RBM27: variants seen among roughly 807,000 people sequenced by gnomAD.
RBM27 encodes RNA binding motif protein 27, also known as RNA-binding protein 27.
A neutral mutation model predicts 135.3 loss-of-function variants in RBM27; 22 were observed. That is an observed-to-expected ratio of 0.16 (90% CI 0.12 to 0.23). The LOEUF (loss-of-function observed/expected upper bound fraction) is 0.23, where lower values mean the gene tolerates loss of function less well. RBM27 is among the 10% of genes least tolerant of loss of function. The pLI is 1.00. For synonymous variants in RBM27, 481 were observed against 442.4 expected, an observed-to-expected ratio of 1.09 and a Z score of -1.10; for missense variants, 1,009 against 1,281.0, an observed-to-expected ratio of 0.79 and a Z score of 3.24.
chr5:146,233,543 C>A lies in RBM27; in HGVS notation c.944C>A (p.Pro315His). 1 of 1,613,404 alleles carries A rather than the reference C, an allele frequency of 6.2e-7. No homozygotes were observed. The highest frequency in any genetic ancestry group is 8.5e-7 in the Non-Finnish European group (1 of 1,179,818). The change falls in exon 7 of 21, where the codon CCT becomes CAT. Residue 315 changes from proline (P) to histidine (H), a missense_variant. Physicochemically the swap from Pro to His is moderately conservative, Grantham distance 77. Coordinates refer to ENST00000265271, the MANE Select transcript of RBM27 (RefSeq NM_018989.2). Reference protein sequence around the residue: ...VDEVALPSMIPFPPPPPGLPP... With the variant: ...VDEVALPSMIHFPPPPPGLPP... Reference sequence around the variant, plus strand: ...GAAGTTGCTCTGCCAAGTATGATTCCTTTCCCACCCCCTCCTCCTGGGCTT... The same window carrying A: ...GAAGTTGCTCTGCCAAGTATGATTCATTTCCCACCCCCTCCTCCTGGGCTT...
At chr5:146,251,689 C>A in intron 8 of RBM27, 22 bp from the exon 9 acceptor site, 1 of 1,575,966 alleles carries the variant, frequency 6.3e-7, no homozygotes, top group Non-Finnish European at 8.7e-7. Context: ...TCCCAGCTGC[C>A]CTCCTATTCT....
chr5:146,229,571 T>C (rs1344469755), intron 4 of RBM27, 146 bp from the exon 5 acceptor site: 5 of 631,960 alleles, frequency 7.9e-6, no homozygotes, highest in Non-Finnish European at 1.3e-5. Flanking sequence ...TATATTTGAT[T>C]AGAGGAATTA....
intron 6 of RBM27, among the ~76,000 whole-genome samples, chr5:146,232,933 G>A (rs900601162): frequency 6.6e-6 from 1 of 152,108 alleles, no homozygotes; most frequent in Non-Finnish European, 1.5e-5. Flanking sequence ...TGTTTGGGAT[G>A]TTTCTATTAT....
At chr5:146,248,646 A>G (rs1434856452) in intron 8 of RBM27, among the ~76,000 whole-genome samples, 3 of 152,164 alleles carry the variant, frequency 2.0e-5, no homozygotes, top group African/African-American at 7.2e-5. Flanking sequence ...TTGTAATTTT[A>G]GTAGAGACGG....
intron 19 of RBM27, among the ~76,000 whole-genome samples, chr5:146,283,608 A>G (rs761209370): frequency 9.9e-5 from 15 of 152,182 alleles, no homozygotes; most frequent in Non-Finnish European, 2.1e-4. Context: ...GGTATGTCCC[A>G]TGAGTCATAA....
intron 19 of RBM27, among the ~76,000 whole-genome samples, chr5:146,279,675 G>A (rs868356091): frequency 6.6e-6 from 1 of 151,570 alleles, no homozygotes; most frequent in African/African-American, 2.4e-5. Flanking sequence ...AGCTGTGGTG[G>A]CATCTGCCTG....
intron 10 of RBM27, 82 bp from the exon 11 acceptor site, chr5:146,258,367 G>C: frequency 9.0e-7 from 1 of 1,117,292 alleles, no homozygotes; most frequent in Non-Finnish European, 1.2e-6. Flanking sequence ...GCTATTCATA[G>C]TAGTTTTTAG....
intron 8 of RBM27, among the ~76,000 whole-genome samples, chr5:146,251,255 G>A (rs925216963): frequency 2.0e-5 from 3 of 152,100 alleles, no homozygotes; most frequent in African/African-American, 7.2e-5. Flanking sequence ...AGATACGGGA[G>A]CATATTTGGT....
At chr5:146,280,565 A>G (rs992057264) in intron 19 of RBM27, among the ~76,000 whole-genome samples, 17 of 152,186 alleles carry the variant, frequency 1.1e-4, no homozygotes, top group Middle Eastern at 3.2e-3. Flanking sequence ...TCTCCTTCTC[A>G]GAGCAGTAAC....
chr5:146,274,430 T>C (rs1759002810), intron 19 of RBM27, among the ~76,000 whole-genome samples: 1 of 152,112 alleles, frequency 6.6e-6, no homozygotes, highest in Admixed American at 6.5e-5. Context: ...CTAATTTTTC[T>C]GTATTTTTTA....
chr5:146,273,173 C>A (rs1356639247), intron 19 of RBM27, among the ~76,000 whole-genome samples: 3 of 152,180 alleles, frequency 2.0e-5, no homozygotes, highest in Non-Finnish European at 4.4e-5. Flanking sequence ...AAATTTGACT[C>A]ATTGCAGAAA....
At chr5:146,226,285 G>GT (rs1756675188) in intron 3 of RBM27, among the ~76,000 whole-genome samples, 1 of 151,884 alleles carries the variant, frequency 6.6e-6, no homozygotes, top group African/African-American at 2.4e-5. Context: ...TTTGTAACGT[G>GT]TTTTTTACAG....
chr5:146,264,397 G>T (rs539613383), intron 14 of RBM27, among the ~76,000 whole-genome samples: 1 of 151,914 alleles, frequency 6.6e-6, no homozygotes, highest in Non-Finnish European at 1.5e-5. Flanking sequence ...TGGTCAGGCT[G>T]GTCTGGAACT....
intron 9 of RBM27, among the ~76,000 whole-genome samples, chr5:146,253,952 G>A (rs1347441924): frequency 6.6e-6 from 1 of 152,138 alleles, no homozygotes; most frequent in Non-Finnish European, 1.5e-5. Context: ...TGACGTGTAT[G>A]TGCGCGTGTG....
Position 146,286,226 on chromosome 5 carries a change from A to T in RBM27, c.*196A>T. The T allele has an allele frequency of 2.1e-6, 1 of 469,684 alleles. No homozygotes were observed. Among genetic ancestry groups the T allele is most frequent in the Non-Finnish European group, 3.7e-6 (1 of 269,388 alleles). The allele number at this position is 469,684 out of a possible 1,614,324, so 29.1% of individuals were successfully genotyped here. A position where few individuals can be genotyped will look rare whatever the true frequency, so the allele number is the denominator to read the frequency against. On this transcript the variant is annotated 3_prime_UTR_variant, in exon 21 of 21. Transcript: ENST00000265271. ...ATATTAAAGCACCAAAGGCCTAGTG[A>T]CTTTTACACAGTTGTGAAGATCCAC...
At chr5:146,273,287 G>A (rs1368200551) in intron 19 of RBM27, among the ~76,000 whole-genome samples, 2 of 152,162 alleles carry the variant, frequency 1.3e-5, no homozygotes, top group Non-Finnish European at 2.9e-5. Flanking sequence ...TAACCCAGAA[G>A]CCATGCTCAA....
chr5:146,247,638 A>AT (rs1413931689), intron 8 of RBM27, among the ~76,000 whole-genome samples: 1 of 152,242 alleles, frequency 6.6e-6, no homozygotes. Context: ...CATCTAACAC[A>AT]TTCCTCTATC....
In RBM27 at chr5:146,229,774, G is replaced by A; in HGVS notation, c.453G>A (p.Glu151=). 6.2e-7 allele frequency: 1 copy of A among 1,612,900 alleles called. No individual in the cohort carries two copies. Among genetic ancestry groups the A allele is most frequent in the Non-Finnish European group, 8.5e-7 (1 of 1,179,102 alleles). ...GGAGAGACTATGACCGGTACTATGA[G>A]CGGAATGAATTGTACCGTGAGAAGT... The part of the protein sequence containing the change: ...GKWRDYDRYY[E]RNELYREKYD... The change falls in exon 5 of 21, where the codon GAG becomes GAA. Residue 151 remains glutamate (E), a synonymous_variant. Coordinates refer to ENST00000265271, the MANE Select transcript of RBM27 (RefSeq NM_018989.2).
intron 2 of RBM27, among the ~76,000 whole-genome samples, chr5:146,222,386 G>A (rs1225514261): frequency 2.0e-5 from 3 of 152,152 alleles, no homozygotes; most frequent in Non-Finnish European, 4.4e-5. Context: ...TTTAGATTTG[G>A]TTTTAATAAG....
Sources: allele counts gnomAD v4.1 joint callset (sites outside exome capture counted in the v4.1 genomes callset), GRCh38; gene constraint gnomAD v4.1.1; transcripts MANE v1.5; gene names NCBI Gene and HGNC (gene_info 2026-07-23, HGNC 2026-07-21).